Variants in SMCO2 observed in about 807,000 individuals in gnomAD.
SMCO2 encodes single-pass membrane protein with coiled-coil domains 2.
In SMCO2, 25 loss-of-function variants were observed where a neutral mutation model predicts 29.5. The ratio of observed to expected loss-of-function variants is 0.85; its 90% CI spans 0.62 to 1.18. The LOEUF (loss-of-function observed/expected upper bound fraction) is 1.18. Among genes scored for constraint, SMCO2 ranks in the 50% most tolerant of loss-of-function variants. SMCO2 has a pLI of 0.00. For synonymous variants in SMCO2, 117 were observed against 123.3 expected (o/e 0.95, Z 0.34); for missense variants, 348 against 344.5 (o/e 1.01, Z -0.08).
At chr12:27,470,625 C>T (rs395098) in exon 2 of SMCO2, 166,600 of 1,549,912 alleles carry the variant, frequency 0.11, 9,850 homozygotes, top group African/African-American at 0.2. Context: ...CTTACAGTGC[C>T]GAAGAAATGG....
At chr12:27,430,402 A>G in the SMCO2 span, among the ~76,000 whole-genome samples, 1 of 152,206 alleles carries the variant, frequency 6.6e-6, no homozygotes, top group South Asian at 2.1e-4. Context: ...AAGAAAACAG[A>G]GGGAATAGTG....
At chr12:27,425,527 C>T in the SMCO2 span, among the ~76,000 whole-genome samples, 1 of 152,198 alleles carries the variant, frequency 6.6e-6, no homozygotes, top group Non-Finnish European at 1.5e-5. Flanking sequence ...CTGACTCTCT[C>T]CTCCTCCCTT....
At chr12:27,501,410 C>A (rs1395116576) in intron 7 of SMCO2, among the ~76,000 whole-genome samples, 1 of 77,036 alleles carries the variant, frequency 1.3e-5, no homozygotes, top group Non-Finnish European at 2.4e-5. Flanking sequence ...AGTGAGACTC[C>A]GTCTCAAAAA....
chr12:27,438,804 A>ACAAT, the SMCO2 span, among the ~76,000 whole-genome samples: 1 of 150,456 alleles, frequency 6.6e-6, no homozygotes, highest in Non-Finnish European at 1.5e-5. Context: ...AAACAAACAA[A>ACAAT]TATATAGGAC....
chr12:27,482,091 T>TTA (rs1344108945), intron 4 of SMCO2, among the ~76,000 whole-genome samples: 1 of 152,084 alleles, frequency 6.6e-6, no homozygotes, highest in Non-Finnish European at 1.5e-5. Context: ...GAGGTGAACT[T>TTA]TAGGTCATTG....
At chr12:27,465,968 G>A (rs1356549307), upstream of SMCO2, among the ~76,000 whole-genome samples, 2 of 152,178 alleles carry the variant, frequency 1.3e-5, no homozygotes, top group East Asian at 3.8e-4. Context: ...TTCCATGGGT[G>A]CCGAGTTCAC....
the SMCO2 span, among the ~76,000 whole-genome samples, chr12:27,436,412 C>T: frequency 6.6e-6 from 1 of 152,238 alleles, no homozygotes; most frequent in South Asian, 2.1e-4. Flanking sequence ...GAGTGACCAA[C>T]CAGATGGATC....
At chr12:27,448,506 A>C in the SMCO2 span, among the ~76,000 whole-genome samples, 1 of 152,212 alleles carries the variant, frequency 6.6e-6, no homozygotes, top group East Asian at 1.9e-4. Flanking sequence ...CTGAGAATTG[A>C]ACTGGAATCA....
At chr12:27,461,424 A>T in the SMCO2 span, among the ~76,000 whole-genome samples, 1 of 152,138 alleles carries the variant, frequency 6.6e-6, no homozygotes, top group Non-Finnish European at 1.5e-5. Flanking sequence ...ACCTTCAAGT[A>T]GTCCCCAGCG....
chr12:27,458,805 T>C, the SMCO2 span, among the ~76,000 whole-genome samples: 2 of 150,642 alleles, frequency 1.3e-5, no homozygotes, highest in African/African-American at 4.9e-5. Flanking sequence ...GAGAATCGCT[T>C]GAACCCGGGA....
At chr12:27,467,829 T>C (rs1949509882) in intron 1 of SMCO2, among the ~76,000 whole-genome samples, 1 of 152,194 alleles carries the variant, frequency 6.6e-6, no homozygotes, top group African/African-American at 2.4e-5. Context: ...TGTGCCATGG[T>C]TGGCTAACCA....
the SMCO2 span, among the ~76,000 whole-genome samples, chr12:27,461,323 G>A: frequency 0.083 from 12,563 of 152,120 alleles, 552 homozygotes; most frequent in East Asian, 0.13. Flanking sequence ...TGCATGTCAC[G>A]GGGGTTTGGT....
At chr12:27,495,622 G>A (rs764075194) in intron 6 of SMCO2, 58 bp from the exon 8 acceptor site, 1 of 1,390,220 alleles carries the variant, frequency 7.2e-7, no homozygotes, top group Non-Finnish European at 9.5e-7. Context: ...ATTATCTATA[G>A]TAAGACTTGG....
rs566137628 is a variant in SMCO2 at position 27,501,986 on chromosome 12, C to T, written c.747C>T (p.Tyr249=). ...TCACCGTCACTGGACTTTTATGTTA[C>T]ATACTATTTTTTGGTGCTACATTTC... The change falls in exon 8 of 8, where the codon TAC becomes TAT. Residue 249 remains tyrosine, a synonymous_variant. Coordinates refer to ENST00000298876, the Ensembl canonical transcript of SMCO2. 6.5e-6 allele frequency: 10 copies of T among 1,547,948 alleles called. No individual in the cohort carries two copies. The East Asian group carries it at 2.0e-4, about 30-fold the overall frequency.
At chr12:27,474,541 C>T (rs573564172) in intron 3 of SMCO2, among the ~76,000 whole-genome samples, 5 of 152,108 alleles carry the variant, frequency 3.3e-5, no homozygotes, top group Non-Finnish European at 5.9e-5. Flanking sequence ...AATTCGATTA[C>T]TCATCAGGAC....
the SMCO2 span, among the ~76,000 whole-genome samples, chr12:27,452,358 C>T: frequency 6.6e-6 from 1 of 152,212 alleles, no homozygotes; most frequent in African/African-American, 2.4e-5. Context: ...CTCCTTCACC[C>T]TCCTGAGTCT....
chr12:27,492,018 T>A (rs1942920774), intron 5 of SMCO2, among the ~76,000 whole-genome samples: 1 of 152,160 alleles, frequency 6.6e-6, no homozygotes, highest in African/African-American at 2.4e-5. Context: ...TGCATGCTTA[T>A]TTTAACAATT....
At chr12:27,453,281 A>G in the SMCO2 span, among the ~76,000 whole-genome samples, 1 of 152,156 alleles carries the variant, frequency 6.6e-6, no homozygotes, top group African/African-American at 2.4e-5. Flanking sequence ...CTGTTGTTCA[A>G]AGGTTTATCA....
intron 4 of SMCO2, among the ~76,000 whole-genome samples, 158 bp downstream of exon 5, chr12:27,475,889 G>T (rs978700719): frequency 5.3e-5 from 8 of 151,968 alleles, no homozygotes; most frequent in African/African-American, 1.5e-4. Flanking sequence ...TAAAAAATTG[G>T]GTTGCTGGGT....
Sources: allele counts gnomAD v4.1 joint callset (sites outside exome capture counted in the v4.1 genomes callset), GRCh38; gene constraint gnomAD v4.1.1; transcripts MANE v1.5; gene names NCBI Gene and HGNC (gene_info 2026-07-23, HGNC 2026-07-21).